FAF1: variants seen among roughly 807,000 people sequenced by gnomAD.
FAF1 encodes FAS-associated factor 1.
In FAF1, 25 loss-of-function variants were observed where a neutral mutation model predicts 92.5. The observed-to-expected ratio is 0.27, with a 90% CI of 0.20 to 0.38. The LOEUF (loss-of-function observed/expected upper bound fraction) is 0.38, where lower values mean the gene tolerates loss of function less well. Among genes scored for constraint, FAF1 ranks in the 10% least tolerant of loss-of-function variants. The pLI is 1.00. For synonymous variants in FAF1, 234 were observed against 273.2 expected (o/e 0.86, Z 1.42); for missense variants, 636 against 793.3 (o/e 0.80, Z 2.38).
chr1:50,688,178 TAAAAC>T (rs1294798469), intron 7 of FAF1, among the ~76,000 whole-genome samples: 5 of 151,136 alleles, frequency 3.3e-5, no homozygotes, highest in Non-Finnish European at 7.4e-5. Flanking sequence ...TAAAATAAAA[TAAAAC>T]AAAACAGAAA....
intron 15 of FAF1, among the ~76,000 whole-genome samples, chr1:50,530,802 G>GAAC (rs949633172): frequency 3.3e-5 from 5 of 151,850 alleles, no homozygotes; most frequent in Non-Finnish European, 2.9e-5. Flanking sequence ...CAACCAACAA[G>GAAC]AACAACAACA....
chr1:50,845,815 C>A (rs562553436), intron 2 of FAF1, among the ~76,000 whole-genome samples: 28 of 152,138 alleles, frequency 1.8e-4, no homozygotes, highest in African/African-American at 6.5e-4. Flanking sequence ...TACTCAAACT[C>A]TTAGCATAAA....
chr1:50,558,855 T>C (rs1178531658), intron 13 of FAF1, among the ~76,000 whole-genome samples: 1 of 152,214 alleles, frequency 6.6e-6, no homozygotes, highest in African/African-American at 2.4e-5. Context: ...CAGGCAGTTA[T>C]AACTGTAGTA....
At position 50,836,170 on chromosome 1, in the gene FAF1, G is replaced by GTTTTTTTTT. The variant is rs36053491; in HGVS notation, c.114+21750_114+21758dup. 4.3e-4 allele frequency among the ~76,000 whole-genome samples: 42 copies of GTTTTTTTTT among 98,522 alleles called. 6 individuals carry two copies. Among genetic ancestry groups the GTTTTTTTTT allele is most frequent in the African/African-American group, 1.0e-3 (24 of 23,468 alleles). The allele number at this position is 98,522 out of a possible 152,430, so 64.6% of individuals were successfully genotyped here. On this transcript the variant is annotated intron_variant, in intron 2 of 18. Coordinates refer to ENST00000396153, the MANE Select transcript of FAF1 (RefSeq NM_007051.3). ...GTGTGTGTTTTTGTTTTTTGTTTCT[G>GTTTTTTTTT]TTTTTTTTTTTTTTTTTTTAGACAG...
intron 12 of FAF1, 142 bp downstream of exon 12, chr1:50,582,476 G>A: frequency 1.6e-6 from 1 of 616,396 alleles, no homozygotes; most frequent in East Asian, 2.6e-5. Flanking sequence ...CATGCACAAT[G>A]ATGACATACA....
At chr1:50,828,463 G>A (rs1034615325) in intron 2 of FAF1, among the ~76,000 whole-genome samples, 7 of 152,000 alleles carry the variant, frequency 4.6e-5, no homozygotes, top group African/African-American at 1.7e-4. Flanking sequence ...TAGAGACGGG[G>A]TTTCACTGTG....
chr1:50,454,568 C>G (rs1646330318), intron 18 of FAF1, among the ~76,000 whole-genome samples: 1 of 152,194 alleles, frequency 6.6e-6, no homozygotes, highest in Admixed American at 6.5e-5. Context: ...TGCATGTGGT[C>G]AATCCATGTT....
chr1:50,586,823 G>A (rs1238853702), intron 9 of FAF1, among the ~76,000 whole-genome samples: 1 of 152,200 alleles, frequency 6.6e-6, no homozygotes, highest in Non-Finnish European at 1.5e-5. Context: ...CAAATATCTG[G>A]AGAATGAAGT....
Position 50,584,000 on chromosome 1 carries a change from G to A in FAF1, c.968-285C>T, listed in dbSNP as rs1038127128. Among the ~76,000 whole-genome samples the A allele has an allele frequency of 6.6e-6, 1 of 152,046 alleles. No individual in the cohort carries two copies. The highest frequency in any genetic ancestry group is 1.5e-5 in the Non-Finnish European group (1 of 67,944). ...GCTAAGCATTTAAAATATGTGCCCA[G>A]TTGTCATTTAGGATTTCAATGTTTT... is the stretch of plus-strand genomic sequence containing the variant. On this transcript the variant is annotated intron_variant, in intron 10 of 18. Coordinates refer to ENST00000396153, the MANE Select transcript of FAF1 (RefSeq NM_007051.3). The surrounding 1 kb of genome is among the most constrained non-coding windows in gnomAD (Gnocchi z 4.2).
chr1:50,689,174 C>T (rs549583132), intron 7 of FAF1, among the ~76,000 whole-genome samples: 1 of 152,186 alleles, frequency 6.6e-6, no homozygotes, highest in South Asian at 2.1e-4. Context: ...GGTTAAAATG[C>T]TAAATTTTGT....
chr1:50,855,441 A>G (rs1644383127), intron 2 of FAF1, among the ~76,000 whole-genome samples: 1 of 151,836 alleles, frequency 6.6e-6, no homozygotes, highest in African/African-American at 2.4e-5. Flanking sequence ...GGTCCAAGTG[A>G]TATGTGCAGG....
At chr1:50,885,637 C>CA (rs1490935182) in intron 1 of FAF1, among the ~76,000 whole-genome samples, 1 of 152,068 alleles carries the variant, frequency 6.6e-6, no homozygotes, top group Non-Finnish European at 1.5e-5. Flanking sequence ...TGTATCCATT[C>CA]AGCCACTGTC....
intron 4 of FAF1, among the ~76,000 whole-genome samples, chr1:50,744,991 T>TA (rs1331348544): frequency 1.3e-5 from 2 of 152,054 alleles, no homozygotes; most frequent in African/African-American, 4.8e-5. Flanking sequence ...TTAATGAAAC[T>TA]AAAAAATAAA....
Position 50,625,257 on chromosome 1 carries a change from T to C in FAF1, c.745-29041A>G, listed in dbSNP as rs551248946. 4.6e-5 allele frequency among the ~76,000 whole-genome samples: 7 copies of C among 152,304 alleles called. No homozygotes were observed. In the South Asian group the frequency reaches 1.4e-3, roughly 32 times the overall value. On this transcript the variant is annotated intron_variant, in intron 8 of 18. Transcript: ENST00000396153. ...AATCCACTACTACAGCATAAATTTG[T>C]TCTGATACAACTTCTCACACCTTAA... is the stretch of plus-strand genomic sequence containing the variant.
At chr1:50,543,727 G>C (rs905019668) in intron 13 of FAF1, among the ~76,000 whole-genome samples, 22 of 151,194 alleles carry the variant, frequency 1.5e-4, no homozygotes, top group African/African-American at 4.9e-4. Context: ...CATTAGCAAA[G>C]ATTTGTTGAC....
rs1328140474 is a variant in FAF1, at chr1:50,655,368, T to G, written c.744+74A>C. The G allele has an allele frequency of 5.1e-6, 5 of 974,302 alleles. No individual in the cohort carries two copies. In the East Asian group the frequency reaches 1.2e-4, roughly 23 times the overall value. The allele number at this position is 974,302 out of a possible 1,614,324, so 60.4% of individuals were successfully genotyped here. A position where few individuals can be genotyped will look rare whatever the true frequency, so the allele number is the denominator to read the frequency against. On this transcript the variant is annotated intron_variant, in intron 8 of 18. Transcript: ENST00000396153. Reference sequence around the variant, plus strand: ...ACTCAAAGCATTTAATTGTGCTTATTATCAAAGCCAATTAGACTGAAAGTG... The same window carrying G: ...ACTCAAAGCATTTAATTGTGCTTATGATCAAAGCCAATTAGACTGAAAGTG...
rs1279570492 is a variant in FAF1 at position 50,478,587 on chromosome 1, C to T, written c.1654-2908G>A. On this transcript the variant is annotated intron_variant, in intron 17 of 18. Transcript: ENST00000396153. ...AAACATTAAAACTAATCTGTAGATT[C>T]ACCATCAAGATAGCCATCACCATCA... Among the ~76,000 whole-genome samples, 3 of 152,126 alleles carry T rather than the reference C, an allele frequency of 2.0e-5. No individual in the cohort carries two copies. The East Asian group carries it at 5.8e-4, about 29-fold the overall frequency.
chr1:50,654,973 T>C (rs1422101615), intron 8 of FAF1, among the ~76,000 whole-genome samples: 2 of 145,628 alleles, frequency 1.4e-5, no homozygotes, highest in Admixed American at 1.4e-4. Flanking sequence ...AGATATTTCT[T>C]TTTTTTTTTT....
chr1:50,886,535 C>A (rs1348654491), intron 1 of FAF1, among the ~76,000 whole-genome samples: 5 of 152,044 alleles, frequency 3.3e-5, no homozygotes, highest in African/African-American at 1.2e-4. Context: ...CCACTCCCCC[C>A]ACCCCACAAC....
Sources: allele counts gnomAD v4.1 joint callset (sites outside exome capture counted in the v4.1 genomes callset), GRCh38; gene constraint gnomAD v4.1.1; non-coding constraint Gnocchi (gnomAD v3.1); transcripts MANE v1.5; gene names NCBI Gene and HGNC (gene_info 2026-07-23, HGNC 2026-07-21).